The following RINT1 variants were observed in gnomAD, a reference collection of about 807,000 sequenced individuals.
The protein encoded by RINT1 is RAD50-interacting protein 1.
Under a neutral mutation model 97.7 loss-of-function variants are expected in RINT1, and 75 were observed. The ratio of observed to expected loss-of-function variants is 0.77; its 90% confidence interval spans 0.64 to 0.93. The LOEUF is 0.93. Among genes scored for constraint, RINT1 ranks in the 40% least tolerant of loss-of-function variants. The pLI is 0.00. For synonymous variants in RINT1, 303 were observed against 326.3 expected (o/e 0.93, Z 0.77); for missense variants, 892 against 925.2 (o/e 0.96, Z 0.47).
chr7:105,548,499 G>T (rs139105661), intron 6 of RINT1, 55 bp from the exon 7 acceptor site: 1 of 1,473,148 alleles, frequency 6.8e-7, no homozygotes. Flanking sequence ...ACATACATAT[G>T]TGTGTGTATA....
chr7:105,567,464 G>C lies in RINT1; in HGVS notation c.*153G>C. 1 of 719,868 alleles carries C rather than the reference G, an allele frequency of 1.4e-6. No individual in the cohort carries two copies. Among genetic ancestry groups the C allele is most frequent in the South Asian group, 1.5e-5 (1 of 66,928 alleles). 44.6% of individuals were successfully genotyped at this position (719,868 alleles called of 1,614,324 possible). A position where few individuals can be genotyped will look rare whatever the true frequency, so the allele number is the denominator to read the frequency against. ...GGATTTATGGTGTTATTAAAATGCT[G>C]ACCATATTTCCTTCATCCTCTTGTT... is the stretch of plus-strand genomic sequence containing the variant. On this transcript the variant is annotated 3_prime_UTR_variant, in exon 15 of 15. Coordinates refer to ENST00000257700, the MANE Select transcript of RINT1 (RefSeq NM_021930.6).
intron 10 of RINT1, among the ~76,000 whole-genome samples, chr7:105,554,284 C>T (rs1163652203): frequency 6.6e-6 from 1 of 152,036 alleles, no homozygotes; most frequent in Non-Finnish European, 1.5e-5. Context: ...CCACCCACCT[C>T]GGCCTCCCAA....
rs1294825630 is a variant in RINT1 at position 105,547,075 on chromosome 7, G to A, written c.681G>A (p.Lys227=). The A allele has an allele frequency of 6.2e-7, 1 of 1,613,728 alleles. No homozygotes were observed. The highest frequency in any genetic ancestry group is 1.1e-5 in the South Asian group (1 of 90,950). Residue 227 remains lysine, a synonymous_variant, in exon 5 of 15, where the codon AAG becomes AAA. Transcript: ENST00000257700. Reference sequence around the variant, plus strand: ...TCTGGCATAAAATTCTCAAGGACAAGCTTACAAGGTAGGGAATTTACCCAT... The same window carrying A: ...TCTGGCATAAAATTCTCAAGGACAAACTTACAAGGTAGGGAATTTACCCAT... ...VKFWHKILKD[K]LTSDFEEILA...
At chr7:105,561,805 A>T (rs1586262739) in intron 11 of RINT1, among the ~76,000 whole-genome samples, 1 of 151,892 alleles carries the variant, frequency 6.6e-6, no homozygotes, top group African/African-American at 2.4e-5. Flanking sequence ...CAGGTGATCC[A>T]CCTGCGTCAG....
chr7:105,539,318 C>T (rs976600126), intron 3 of RINT1, among the ~76,000 whole-genome samples: 2 of 151,866 alleles, frequency 1.3e-5, no homozygotes, highest in Non-Finnish European at 2.9e-5. Context: ...CTGAGTTCAG[C>T]CTCAACATCT....
intron 11 of RINT1, among the ~76,000 whole-genome samples, chr7:105,560,810 T>C (rs1252033711): frequency 1.3e-5 from 2 of 152,102 alleles, no homozygotes; most frequent in Non-Finnish European, 2.9e-5. Context: ...AACTTCTGCC[T>C]CCCAGGTTCA....
At position 105,548,688 on chromosome 7, in the gene RINT1, G is replaced by T; in HGVS notation, c.974G>T (p.Arg325Leu). 1 of 1,613,312 alleles carries T rather than the reference G, an allele frequency of 6.2e-7. No individual in the cohort carries two copies. Among genetic ancestry groups the T allele is most frequent in the Non-Finnish European group, 8.5e-7 (1 of 1,179,678 alleles). The change falls in exon 7 of 15, where the codon CGG (arginine) becomes CTG (leucine). Residue 325 changes from arginine to leucine, a missense_variant. By Grantham distance (102) the Arg-to-Leu change is moderately radical. Transcript: ENST00000257700. ...KRFRYHFRGN[R>L]QTNVLSKPEW... ...TTCAGGTATCACTTCAGAGGGAACC[G>T]GCAGACTAATGTGTTAAGCAAGGTG...
At chr7:105,566,120 A>C (rs1791725590) in intron 14 of RINT1, among the ~76,000 whole-genome samples, 1 of 152,002 alleles carries the variant, frequency 6.6e-6, no homozygotes, top group Non-Finnish European at 1.5e-5. Flanking sequence ...AATACCAAAA[A>C]AAAAAAAATT....
intron 11 of RINT1, among the ~76,000 whole-genome samples, chr7:105,556,501 T>A (rs1315936984): frequency 6.6e-6 from 1 of 150,822 alleles, no homozygotes; most frequent in African/African-American, 2.4e-5. Context: ...TTAGTATTTA[T>A]CTCTAAAAGG....
chr7:105,540,770 T>C (rs568576628), intron 3 of RINT1, among the ~76,000 whole-genome samples: 1 of 152,126 alleles, frequency 6.6e-6, no homozygotes, highest in African/African-American at 2.4e-5. Context: ...CTGGCCTTAA[T>C]TCAGAATCAC....
intron 11 of RINT1, among the ~76,000 whole-genome samples, chr7:105,559,283 A>G (rs535504215): frequency 6.6e-6 from 1 of 151,664 alleles, no homozygotes; most frequent in South Asian, 2.1e-4. Flanking sequence ...GTTGTCGCCT[A>G]TAATCCCAGC....
Position 105,532,206 on chromosome 7 carries a change from A to C in RINT1, c.-110A>C. The C allele has an allele frequency of 2.5e-6, 3 of 1,205,668 alleles. No homozygotes were observed. The highest frequency in any genetic ancestry group is 2.3e-6 in the Non-Finnish European group (2 of 867,590). The allele number at this position is 1,205,668 out of a possible 1,614,324, so 74.7% of individuals were successfully genotyped here. A position where few individuals can be genotyped will look rare whatever the true frequency, so the allele number is the denominator to read the frequency against. ...GACATCGAGAGGAAGTCGCTGTGGCACTCAGTCCTACGGCCTCCGAGGCTG... is the reference window on the plus strand; with the variant it reads ...GACATCGAGAGGAAGTCGCTGTGGCCCTCAGTCCTACGGCCTCCGAGGCTG... On this transcript the variant is annotated 5_prime_UTR_variant, in exon 1 of 15. Coordinates refer to ENST00000257700, the MANE Select transcript of RINT1 (RefSeq NM_021930.6).
intron 12 of RINT1, 112 bp from the exon 13 acceptor site, chr7:105,565,165 T>C (rs553231338): frequency 1.2e-6 from 1 of 822,054 alleles, no homozygotes; most frequent in Non-Finnish European, 1.8e-6. Context: ...CTGTATATTT[T>C]TTCTTATCCA....
chr7:105,537,533 T>TA (rs1367825439), intron 3 of RINT1, among the ~76,000 whole-genome samples: 1 of 151,456 alleles, frequency 6.6e-6, no homozygotes, highest in Admixed American at 6.6e-5. Context: ...GTGATGTATT[T>TA]AAAAAATATT....
chr7:105,544,456 T>C (rs969680187), intron 4 of RINT1, among the ~76,000 whole-genome samples: 1 of 151,848 alleles, frequency 6.6e-6, no homozygotes, highest in Non-Finnish European at 1.5e-5. Context: ...TTTTTTTGAG[T>C]TGGAATCTTC....
At chr7:105,548,315 A>G (rs1790767237) in intron 6 of RINT1, among the ~76,000 whole-genome samples, 1 of 152,130 alleles carries the variant, frequency 6.6e-6, no homozygotes, top group African/African-American at 2.4e-5. Flanking sequence ...GATTACAGGC[A>G]TGATTCACTA....
intron 11 of RINT1, among the ~76,000 whole-genome samples, chr7:105,562,570 G>A (rs1348670306): frequency 1.3e-5 from 2 of 152,138 alleles, no homozygotes; most frequent in African/African-American, 4.8e-5. Context: ...CCACTCTTCA[G>A]TACATACCAA....
chr7:105,549,972 A>G, intron 7 of RINT1, 83 bp from the exon 8 acceptor site: 8 of 833,428 alleles, frequency 9.6e-6, no homozygotes, highest in Non-Finnish European at 1.2e-5. Flanking sequence ...AGTGTTGTGC[A>G]TATACAATTA....
At chr7:105,550,618 T>A (rs1311263786) in intron 9 of RINT1, 132 bp downstream of exon 9, 6 of 660,088 alleles carry the variant, frequency 9.1e-6, no homozygotes, top group Non-Finnish European at 1.6e-5. Context: ...GTTTTCTGTT[T>A]CCTTCAGAGA....
Sources: gnomAD v4.1 joint callset for allele counts (sites outside exome capture counted in the v4.1 genomes callset) on GRCh38, gnomAD v4.1.1 for gene constraint, MANE v1.5 for transcripts, NCBI Gene and HGNC (gene_info 2026-07-23, HGNC 2026-07-21) for gene names.